Variants in VKORC1L1 observed in about 807,000 individuals in gnomAD.
VKORC1L1 encodes vitamin K epoxide reductase complex subunit 1L1, also known as vitamin K epoxide reductase complex subunit 1-like protein 1.
VKORC1L1 carries 2 observed loss-of-function variants against 18.9 expected under a neutral mutation model. That is an observed-to-expected ratio of 0.11 (90% confidence interval 0.04 to 0.33). VKORC1L1 has a LOEUF of 0.33. Among genes scored for constraint, VKORC1L1 ranks in the 10% least tolerant of loss-of-function variants. VKORC1L1 has a pLI of 1.00. For synonymous variants in VKORC1L1, 96 were observed against 100.0 expected (o/e 0.96, Z 0.24); for missense variants, 123 against 224.1 (o/e 0.55, Z 2.88).
chr7:65,867,416 A>C, the VKORC1L1 span, among the ~76,000 whole-genome samples: 1 of 152,178 alleles, frequency 6.6e-6, no homozygotes, highest in Non-Finnish European at 1.5e-5. Flanking sequence ...CTCTTATTGC[A>C]TAATATATAA....
At chr7:65,944,714 C>T (rs754126564) in intron 1 of VKORC1L1, among the ~76,000 whole-genome samples, 41 of 151,136 alleles carry the variant, frequency 2.7e-4, no homozygotes, top group Non-Finnish European at 5.0e-4. Context: ...CTCAGGAGTT[C>T]GAGACCAGCC....
intron 1 of VKORC1L1, among the ~76,000 whole-genome samples, chr7:65,895,776 A>G (rs1789198973): frequency 6.6e-6 from 1 of 151,534 alleles, no homozygotes; most frequent in Non-Finnish European, 1.5e-5. Context: ...ATCTATAGAA[A>G]TGTTTTATGT....
rs569854737 is a variant in VKORC1L1 at position 65,954,834 on chromosome 7, A to T, written c.*534A>T. 8 of 160,036 alleles carry T rather than the reference A, an allele frequency of 5.0e-5. No homozygotes were observed. The highest frequency in any genetic ancestry group is 9.7e-5 in the Non-Finnish European group (7 of 72,292). 9.9% of individuals were successfully genotyped at this position (160,036 alleles called of 1,614,324 possible). On this transcript the variant is annotated 3_prime_UTR_variant, in exon 3 of 3. Coordinates refer to ENST00000360768, the MANE Select transcript of VKORC1L1 (RefSeq NM_173517.6). Reference sequence around the variant, plus strand: ...TATTAGATCCATTTCTGCAGAACTTACTGTACAGTTTAGTTGGAGTGTAGC... The same window carrying T: ...TATTAGATCCATTTCTGCAGAACTTTCTGTACAGTTTAGTTGGAGTGTAGC...
rs1420720882 is a variant in VKORC1L1, at chr7:65,959,432, CTT to C, written c.*5133_*5134del. On this transcript the variant is annotated 3_prime_UTR_variant, in exon 3 of 3. Transcript: ENST00000360768. Reference sequence around the variant, plus strand: ...TACTTTGACATACTGGAACACAAAACTTGATTCCTTTGAAAAACTAAAGAGAA... The same window carrying C: ...TACTTTGACATACTGGAACACAAAACGATTCCTTTGAAAAACTAAAGAGAA... 1 of 152,196 alleles carries C rather than the reference CTT, an allele frequency of 6.6e-6. No homozygotes were observed. The highest frequency in any genetic ancestry group is 2.4e-5 in the African/African-American group (1 of 41,454). 9.4% of individuals were successfully genotyped at this position (152,196 alleles called of 1,614,324 possible).
At chr7:65,875,305 A>G (rs1265621823) in intron 1 of VKORC1L1, among the ~76,000 whole-genome samples, 1 of 152,192 alleles carries the variant, frequency 6.6e-6, no homozygotes, top group Non-Finnish European at 1.5e-5. Flanking sequence ...TCAAAATCAC[A>G]TATGTATATA....
chr7:65,884,627 A>G (rs1788982917), intron 1 of VKORC1L1, among the ~76,000 whole-genome samples: 1 of 152,130 alleles, frequency 6.6e-6, no homozygotes. Context: ...ACAGAGTGAG[A>G]CTGTCTCAAA....
chr7:65,949,373 T>G (rs1011495987), intron 2 of VKORC1L1, among the ~76,000 whole-genome samples: 7 of 151,816 alleles, frequency 4.6e-5, no homozygotes, highest in African/African-American at 1.7e-4. Flanking sequence ...CAGCTACTCA[T>G]GAGGCTGAGG....
rs755411586 is a variant in VKORC1L1 at position 65,920,934 on chromosome 7, GAAGA to G, written c.195-27725_195-27722del. Among the ~76,000 whole-genome samples, 305 of 151,998 alleles carry G rather than the reference GAAGA, an allele frequency of 2.0e-3. 3 individuals carry two copies. Among genetic ancestry groups the G allele is most frequent in the African/African-American group, 6.7e-3 (277 of 41,416 alleles). ...AAGAGAAAAAGGAGAAGGAAAGAAA[GAAGA>G]AAGAAAGAAAGTTAAATATGGGTCT... On this transcript the variant is annotated intron_variant, in intron 1 of 2. Transcript: ENST00000360768.
rs1222482059 is a variant in VKORC1L1, at chr7:65,958,462, A to G, written c.*4162A>G. On this transcript the variant is annotated 3_prime_UTR_variant, in exon 3 of 3. Transcript: ENST00000360768. ...AAGGCACTGTTTTGCTAACTGGTAA[A>G]TAAAACCAAATGTAAATATGTAAGA... 6.6e-6 allele frequency: 1 copy of G among 152,262 alleles called. No individual in the cohort carries two copies. Among genetic ancestry groups the G allele is most frequent in the African/African-American group, 2.4e-5 (1 of 41,476 alleles). 9.4% of individuals were successfully genotyped at this position (152,262 alleles called of 1,614,324 possible).
chr7:65,941,055 A>G (rs1046935673), intron 1 of VKORC1L1, among the ~76,000 whole-genome samples: 14 of 152,202 alleles, frequency 9.2e-5, no homozygotes, highest in Admixed American at 8.5e-4. Flanking sequence ...TTTTAGAGGA[A>G]AGAAGAGGTG....
At chr7:65,875,611 G>A (rs557921180) in intron 1 of VKORC1L1, among the ~76,000 whole-genome samples, 9 of 152,074 alleles carry the variant, frequency 5.9e-5, no homozygotes, top group Non-Finnish European at 1.2e-4. Flanking sequence ...TAGAGACGGG[G>A]TTTCACCATG....
At chr7:65,885,409 T>TA (rs1429976824) in intron 1 of VKORC1L1, among the ~76,000 whole-genome samples, 1 of 152,112 alleles carries the variant, frequency 6.6e-6, no homozygotes, top group Non-Finnish European at 1.5e-5. Context: ...ATCTTTCACT[T>TA]AAAAAAATTC....
chr7:65,877,284 T>C (rs1406144826), intron 1 of VKORC1L1, among the ~76,000 whole-genome samples: 1 of 152,188 alleles, frequency 6.6e-6, no homozygotes, highest in Non-Finnish European at 1.5e-5. Flanking sequence ...CTTTATAGCA[T>C]AGTATAAAGA....
intron 1 of VKORC1L1, among the ~76,000 whole-genome samples, chr7:65,920,425 G>T (rs1789656102): frequency 6.6e-6 from 1 of 152,156 alleles, no homozygotes; most frequent in African/African-American, 2.4e-5. Flanking sequence ...ACACACTGGG[G>T]ACTCACTGCT....
intron 1 of VKORC1L1, among the ~76,000 whole-genome samples, chr7:65,881,119 G>A (rs1302204219): frequency 1.3e-5 from 2 of 152,150 alleles, no homozygotes; most frequent in Admixed American, 1.3e-4. Flanking sequence ...AAGTGTTTCA[G>A]ATAAGGAATA....
chr7:65,914,576 A>T (rs553927452), intron 1 of VKORC1L1, among the ~76,000 whole-genome samples: 3 of 152,216 alleles, frequency 2.0e-5, no homozygotes, highest in Non-Finnish European at 4.4e-5. Context: ...CACAGCCCAT[A>T]TACCATGGAG....
At chr7:65,914,348 C>T (rs188997019) in intron 1 of VKORC1L1, among the ~76,000 whole-genome samples, 1 of 152,262 alleles carries the variant, frequency 6.6e-6, no homozygotes, top group Admixed American at 6.5e-5. Context: ...GTGGTCCTCC[C>T]GCCTTGGCCT....
intron 1 of VKORC1L1, among the ~76,000 whole-genome samples, chr7:65,942,675 G>A (rs1176320037): frequency 2.0e-5 from 3 of 151,790 alleles, no homozygotes; most frequent in South Asian, 2.1e-4. Flanking sequence ...ACAGGCGCCC[G>A]CCAGCACATC....
At chr7:65,877,836 G>A (rs1306220157) in intron 1 of VKORC1L1, among the ~76,000 whole-genome samples, 2 of 152,082 alleles carry the variant, frequency 1.3e-5, no homozygotes. Flanking sequence ...ATAGGGGATT[G>A]GTTTCAGGAC....
Sources: gnomAD v4.1 joint callset for allele counts (sites outside exome capture counted in the v4.1 genomes callset) on GRCh38, gnomAD v4.1.1 for gene constraint, MANE v1.5 for transcripts, NCBI Gene and HGNC (gene_info 2026-07-23, HGNC 2026-07-21) for gene names.